The following RASA2 variants were observed in gnomAD, a reference collection of about 807,000 sequenced individuals.
RASA2 encodes RAS p21 protein activator 2, also known as ras GTPase-activating protein 2.
A neutral mutation model predicts 118.2 loss-of-function variants in RASA2; 155 were observed. The observed-to-expected ratio is 1.31, with a 90% CI of 1.15 to 1.50. RASA2 has a LOEUF of 1.50. RASA2 is among the 40% of genes most tolerant of loss of function. The probability of loss-of-function intolerance (pLI) is 0.00; values close to 1 mark genes in which losing one functional copy is unlikely to be tolerated. For synonymous variants in RASA2, 353 were observed against 349.1 expected, an observed-to-expected ratio of 1.01 and a Z score of -0.12; for missense variants, 1,016 against 1,009.6, an observed-to-expected ratio of 1.01 and a Z score of -0.09.
chr3:141,548,711 T>C (rs2082525436), intron 5 of RASA2, among the ~76,000 whole-genome samples: 1 of 152,192 alleles, frequency 6.6e-6, no homozygotes, highest in Non-Finnish European at 1.5e-5. Flanking sequence ...GTAGTTACTA[T>C]TATCCTCCAG....
At chr3:141,508,248 G>GA (rs1400464897) in intron 1 of RASA2, among the ~76,000 whole-genome samples, 1 of 152,076 alleles carries the variant, frequency 6.6e-6, no homozygotes, top group Non-Finnish European at 1.5e-5. Flanking sequence ...GGGAGTATAA[G>GA]AAAAACCCTC....
intron 19 of RASA2, among the ~76,000 whole-genome samples, chr3:141,605,384 C>G (rs567656745): frequency 1.3e-5 from 2 of 152,218 alleles, no homozygotes; most frequent in South Asian, 4.1e-4. Context: ...CTTTCATTTT[C>G]ACTAACTCAC....
chr3:141,511,899 A>G (rs551170872), intron 1 of RASA2, among the ~76,000 whole-genome samples: 2 of 152,114 alleles, frequency 1.3e-5, no homozygotes, highest in Non-Finnish European at 2.9e-5. Context: ...GATAGAGAGC[A>G]CAAGTAGAGG....
At chr3:141,573,102 A>G (rs1224148379) in intron 12 of RASA2, 45 bp from the exon 13 acceptor site, 1 of 1,452,842 alleles carries the variant, frequency 6.9e-7, no homozygotes, top group Admixed American at 2.4e-5. Flanking sequence ...TCATTTTGTC[A>G]GACTACTTAG....
chr3:141,487,913 C>T (rs1353489125), intron 1 of RASA2, among the ~76,000 whole-genome samples: 1 of 152,188 alleles, frequency 6.6e-6, no homozygotes, highest in Non-Finnish European at 1.5e-5. Context: ...GACGGCGTGA[C>T]AGGCGGGACT....
chr3:141,591,132 G>A (rs1399191707), intron 19 of RASA2, among the ~76,000 whole-genome samples: 1 of 152,144 alleles, frequency 6.6e-6, no homozygotes, highest in Non-Finnish European at 1.5e-5. Context: ...AGTTATTGAT[G>A]TTCTAGCCTC....
At chr3:141,560,047 G>GTA (rs973828865) in intron 9 of RASA2, 52 bp downstream of exon 9, 3 of 1,372,326 alleles carry the variant, frequency 2.2e-6, no homozygotes, top group Admixed American at 2.0e-5. Flanking sequence ...CTTTAGTACA[G>GTA]TATATATATG....
intron 4 of RASA2, among the ~76,000 whole-genome samples, chr3:141,535,533 A>G (rs2082315023): frequency 6.6e-6 from 1 of 152,228 alleles, no homozygotes; most frequent in African/African-American, 2.4e-5. Flanking sequence ...CTATAAAGGA[A>G]CATCTAAGGC....
At chr3:141,607,210 T>C (rs756861975) in intron 19 of RASA2, among the ~76,000 whole-genome samples, 12 of 152,264 alleles carry the variant, frequency 7.9e-5, no homozygotes, top group Non-Finnish European at 1.5e-4. Flanking sequence ...TTTAGAAATA[T>C]TATTTTGAGG....
intron 9 of RASA2, among the ~76,000 whole-genome samples, chr3:141,569,470 T>C (rs1049230778): frequency 3.9e-5 from 6 of 152,318 alleles, no homozygotes; most frequent in Non-Finnish European, 7.4e-5. Flanking sequence ...TGCCTTTCTC[T>C]AATCCTGATA....
intron 2 of RASA2, among the ~76,000 whole-genome samples, 167 bp from the exon 3 acceptor site, chr3:141,516,161 T>C (rs2082021833): frequency 1.3e-5 from 2 of 151,524 alleles, no homozygotes; most frequent in African/African-American, 4.8e-5. Flanking sequence ...GTAACAAAGC[T>C]GCACGTTGTG....
chr3:141,528,310 T>C (rs2082211164), intron 3 of RASA2, among the ~76,000 whole-genome samples: 1 of 151,992 alleles, frequency 6.6e-6, no homozygotes, highest in South Asian at 2.1e-4. Context: ...GGTTACATTC[T>C]AAAAATAACA....
intron 3 of RASA2, among the ~76,000 whole-genome samples, chr3:141,526,962 C>G (rs2082194259): frequency 2.0e-5 from 3 of 152,140 alleles, no homozygotes; most frequent in Non-Finnish European, 4.4e-5. Flanking sequence ...GGGAAGGCAC[C>G]TGTGACAGAT....
chr3:141,606,722 C>CA (rs1221998983), intron 19 of RASA2, among the ~76,000 whole-genome samples: 45 of 144,580 alleles, frequency 3.1e-4, no homozygotes, highest in East Asian at 2.0e-3. Flanking sequence ...TCTGTCAAGA[C>CA]AAAAAAAAAA....
Position 141,521,157 on chromosome 3 carries a change from A to G in RASA2, c.355+4726A>G, listed in dbSNP as rs537304265. Among the ~76,000 whole-genome samples, 5 of 152,312 alleles carry G rather than the reference A, an allele frequency of 3.3e-5. No homozygotes were observed. The East Asian group carries it at 9.6e-4, about 29-fold the overall frequency. ...TTGGAAATATAGATCTGAAGCTTAG[A>G]GAAAAGAGCTAGAGATGTAGATTTG... On this transcript the variant is annotated intron_variant, in intron 3 of 23. Transcript: ENST00000286364.
In RASA2 at chr3:141,601,145, G is replaced by A. The variant is rs565105581; in HGVS notation, c.1934-6533G>A. Among the ~76,000 whole-genome samples the A allele has an allele frequency of 3.9e-5, 6 of 152,204 alleles. No individual in the cohort carries two copies. In the South Asian group the frequency reaches 6.2e-4, roughly 16 times the overall value. On this transcript the variant is annotated intron_variant, in intron 19 of 23. Coordinates refer to ENST00000286364, the MANE Select transcript of RASA2 (RefSeq NM_006506.5). ...ACACAAAATTTAATTTAAGATGATG[G>A]GGCCGGGCACAGTGGCTCACACCTG...
intron 3 of RASA2, among the ~76,000 whole-genome samples, chr3:141,529,275 T>C (rs2082225330): frequency 6.6e-6 from 1 of 152,270 alleles, no homozygotes; most frequent in African/African-American, 2.4e-5. Context: ...TTCTCTTAAT[T>C]GGAATTTATA....
intron 17 of RASA2, among the ~76,000 whole-genome samples, chr3:141,582,076 A>G (rs1419965723): frequency 6.6e-6 from 1 of 152,230 alleles, no homozygotes; most frequent in African/African-American, 2.4e-5. Context: ...TCACAGTCTT[A>G]ACTTAATGAA....
intron 5 of RASA2, among the ~76,000 whole-genome samples, chr3:141,543,127 G>T (rs1250979668): frequency 6.6e-6 from 1 of 150,926 alleles, no homozygotes; most frequent in South Asian, 2.1e-4. Flanking sequence ...TTTTCCTGTG[G>T]GTTACTTGAA....
Sources: gnomAD v4.1 joint callset for allele counts (sites outside exome capture counted in the v4.1 genomes callset) on GRCh38, gnomAD v4.1.1 for gene constraint, MANE v1.5 for transcripts, NCBI Gene and HGNC (gene_info 2026-07-23, HGNC 2026-07-21) for gene names.